Variants in SDHA observed in about 807,000 individuals in gnomAD.
The protein encoded by SDHA is succinate dehydrogenase [ubiquinone] flavoprotein subunit, mitochondrial.
In SDHA, 48 loss-of-function variants were observed where a neutral mutation model predicts 78.4. The ratio of observed to expected loss-of-function variants is 0.61; its 90% confidence interval spans 0.49 to 0.78. The LOEUF (loss-of-function observed/expected upper bound fraction) is 0.78. SDHA is among the 30% of genes least tolerant of loss of function. SDHA has a pLI of 0.00. For missense variants in SDHA, 680 were observed against 892.7 expected (o/e 0.76, Z 3.04); for synonymous variants, 326 against 353.9 (o/e 0.92, Z 0.88).
chr5:237,944 G>C (rs543789024), intron 10 of SDHA, among the ~76,000 whole-genome samples: 2 of 136,060 alleles, frequency 1.5e-5, no homozygotes, highest in Admixed American at 7.1e-5. Context: ...TCCTGACGCC[G>C]CAGGTAGTGC....
chr5:231,379 G>C (rs2126570037), intron 7 of SDHA, among the ~76,000 whole-genome samples: 1 of 151,968 alleles, frequency 6.6e-6, no homozygotes, highest in East Asian at 1.9e-4. Flanking sequence ...GACCAACATG[G>C]TGACACCTCG....
At chr5:220,488 G>T (rs1047151479) in intron 1 of SDHA, among the ~76,000 whole-genome samples, 1 of 152,132 alleles carries the variant, frequency 6.6e-6, no homozygotes, top group Admixed American at 6.5e-5. Flanking sequence ...CCTTTGCTTT[G>T]CTTCTTGGGA....
At chr5:231,324 C>T (rs1386031662) in intron 7 of SDHA, among the ~76,000 whole-genome samples, 2 of 152,036 alleles carry the variant, frequency 1.3e-5, no homozygotes, top group Non-Finnish European at 2.9e-5. Flanking sequence ...CTTTAGGAGG[C>T]CAAGGCGGGC....
intron 10 of SDHA, among the ~76,000 whole-genome samples, chr5:236,832 T>G (rs1735819259): frequency 1.3e-5 from 2 of 151,798 alleles, no homozygotes; most frequent in South Asian, 4.1e-4. Context: ...AAATTTATTT[T>G]GTAGAGACAG....
intron 2 of SDHA, among the ~76,000 whole-genome samples, chr5:223,885 C>T (rs576562816): frequency 3.3e-5 from 5 of 152,016 alleles, no homozygotes; most frequent in African/African-American, 4.8e-5. Flanking sequence ...GAAAATAGGA[C>T]GGTGGGGCCA....
At chr5:230,499 C>A (rs1297499661) in intron 6 of SDHA, among the ~76,000 whole-genome samples, 1 of 152,046 alleles carries the variant, frequency 6.6e-6, no homozygotes, top group Non-Finnish European at 1.5e-5. Context: ...TGGTGGTGCA[C>A]ACTGTAATCC....
chr5:256,623 T>G lies in SDHA; in HGVS notation c.*203T>G. The G allele has an allele frequency of 1.7e-6, 1 of 593,342 alleles. No individual in the cohort carries two copies. The highest frequency in any genetic ancestry group is 3.0e-6 in the Non-Finnish European group (1 of 330,144). The allele number at this position is 593,342 out of a possible 1,614,324, so 36.8% of individuals were successfully genotyped here. A position where few individuals can be genotyped will look rare whatever the true frequency, so the allele number is the denominator to read the frequency against. On this transcript the variant is annotated 3_prime_UTR_variant, in exon 15 of 15. Coordinates refer to ENST00000264932, the MANE Select transcript of SDHA (RefSeq NM_004168.4). Reference sequence around the variant, plus strand: ...CGTGGCACTTACCTTTGTCCCTTGCTTCATTCTTGTGAGATGATAAAACTG... The same window carrying G: ...CGTGGCACTTACCTTTGTCCCTTGCGTCATTCTTGTGAGATGATAAAACTG...
In SDHA at chr5:233,474, C is replaced by T. The variant is rs1735543080; in HGVS notation, c.896-3C>T. Reference sequence around the variant, plus strand: ...GGTAATAAATATGTGTGGTTTTTTGCAGGCATATATGGTGCTGGTTGTCTC... The same window carrying T: ...GGTAATAAATATGTGTGGTTTTTTGTAGGCATATATGGTGCTGGTTGTCTC... On this transcript the variant is annotated splice_polypyrimidine_tract_variant and splice_region_variant and intron_variant, in intron 7 of 14. Transcript: ENST00000264932. 6.2e-7 allele frequency: 1 copy of T among 1,613,700 alleles called. No individual in the cohort carries two copies. The highest frequency in any genetic ancestry group is 8.5e-7 in the Non-Finnish European group (1 of 1,179,678).
At chr5:241,224 A>G (rs1370737174) in intron 11 of SDHA, among the ~76,000 whole-genome samples, 3 of 152,102 alleles carry the variant, frequency 2.0e-5, no homozygotes, top group Non-Finnish European at 4.4e-5. Context: ...GTCATGGATG[A>G]GTCACAGCGT....
intron 6 of SDHA, 24 bp from the exon 7 acceptor site, chr5:230,852 G>C (rs1263921414): frequency 6.2e-7 from 1 of 1,613,362 alleles, no homozygotes. Context: ...GCTGTGTGCA[G>C]TCACTGCTCT....
At chr5:238,370 A>G (rs1579413259) in intron 10 of SDHA, among the ~76,000 whole-genome samples, 2 of 152,290 alleles carry the variant, frequency 1.3e-5, no homozygotes, top group Admixed American at 1.3e-4. Context: ...AAAGGAAAGA[A>G]AAAATGCTTG....
chr5:235,407 G>T (rs1246227326), intron 9 of SDHA, 68 bp downstream of exon 9: 2 of 1,428,218 alleles, frequency 1.4e-6, no homozygotes, highest in Non-Finnish European at 2.0e-6. Context: ...CCTCGCAGTT[G>T]TCTCTTTAGA....
chr5:235,209 C>T lies in SDHA; in HGVS notation c.1130C>T (p.Ala377Val), dbSNP rs1553999443. 1.9e-6 allele frequency: 3 copies of T among 1,613,992 alleles called. No individual in the cohort carries two copies. The highest frequency in any genetic ancestry group is 2.5e-6 in the Non-Finnish European group (3 of 1,179,860). ...QLHHLPPEQL[A>V]TRLPGISETA... ...CACCACCTACCTCCAGAGCAGCTGGCCACGCGCCTGCCTGGCATTTCAGAG... is the reference window on the plus strand; with the variant it reads ...CACCACCTACCTCCAGAGCAGCTGGTCACGCGCCTGCCTGGCATTTCAGAG... Residue 377 changes from alanine (A) to valine (V), a missense_variant, in exon 9 of 15, where the codon GCC becomes GTC. Coordinates refer to ENST00000264932, the MANE Select transcript of SDHA (RefSeq NM_004168.4).
chr5:233,744 C>T (rs1479521303), intron 8 of SDHA, 99 bp downstream of exon 8: 16 of 1,182,182 alleles, frequency 1.4e-5, no homozygotes, highest in African/African-American at 4.5e-5. Context: ...CGTGTGCAGG[C>T]GCATGTGCAC....
intron 1 of SDHA, among the ~76,000 whole-genome samples, chr5:218,660 C>T (rs1358208884): frequency 6.6e-6 from 1 of 152,198 alleles, no homozygotes; most frequent in Non-Finnish European, 1.5e-5. Flanking sequence ...CACAACCCCG[C>T]GGGCTTGCTG....
At chr5:226,425 A>G (rs920987788) in intron 5 of SDHA, among the ~76,000 whole-genome samples, 1 of 152,084 alleles carries the variant, frequency 6.6e-6, no homozygotes, top group African/African-American at 2.4e-5. Context: ...TGAGACCAGA[A>G]GTTTGAGACC....
intron 8 of SDHA, 101 bp downstream of exon 8, chr5:233,746 C>G: frequency 8.5e-7 from 1 of 1,172,988 alleles, no homozygotes; most frequent in Non-Finnish European, 1.3e-6. Flanking sequence ...TGTGCAGGCG[C>G]ATGTGCACAG....
At chr5:230,516 C>T (rs1735331055) in intron 6 of SDHA, among the ~76,000 whole-genome samples, 1 of 152,152 alleles carries the variant, frequency 6.6e-6, no homozygotes, top group Admixed American at 6.5e-5. Context: ...ATCCCAGCTA[C>T]TCGGGAGGCT....
chr5:231,885 C>G (rs760464172), intron 7 of SDHA, among the ~76,000 whole-genome samples: 7 of 152,182 alleles, frequency 4.6e-5, no homozygotes, highest in South Asian at 2.1e-4. Flanking sequence ...ACTGAGAGAG[C>G]TTGTCGTGGG....
Sources: gnomAD v4.1 joint callset for allele counts (sites outside exome capture counted in the v4.1 genomes callset) on GRCh38, gnomAD v4.1.1 for gene constraint, MANE v1.5 for transcripts, NCBI Gene and HGNC (gene_info 2026-07-23, HGNC 2026-07-21) for gene names.